The following LRRTM4 variants were observed in gnomAD, a reference collection of about 807,000 sequenced individuals.
The protein encoded by LRRTM4 is leucine rich repeat transmembrane neuronal 4, also known as leucine-rich repeat transmembrane neuronal protein 4.
In LRRTM4, 25 loss-of-function variants were observed where a neutral mutation model predicts 47.6. That is an observed-to-expected ratio of 0.53 (90% confidence interval 0.38 to 0.73). LRRTM4 has a LOEUF of 0.73. Ranked by LOEUF, LRRTM4 falls within the 30% of genes least tolerant of loss-of-function variation. LRRTM4 has a pLI of 0.00. For missense variants in LRRTM4, 638 were observed against 713.4 expected (o/e 0.89, Z 1.20); for synonymous variants, 311 against 269.5 (o/e 1.15, Z -1.51).
At chr2:76,829,335 T>G (rs1671270831) in intron 3 of LRRTM4, among the ~76,000 whole-genome samples, 1 of 151,946 alleles carries the variant, frequency 6.6e-6, no homozygotes, top group African/African-American at 2.4e-5. Flanking sequence ...GGGGAGGAGA[T>G]GCAAGGTAAG....
chr2:76,818,825 A>C (rs1670973006), intron 3 of LRRTM4, among the ~76,000 whole-genome samples: 1 of 151,860 alleles, frequency 6.6e-6, no homozygotes. Flanking sequence ...TTAAAGTTAC[A>C]AACTGAAATA....
At chr2:76,837,889 G>A (rs1197893173) in intron 3 of LRRTM4, among the ~76,000 whole-genome samples, 1 of 147,602 alleles carries the variant, frequency 6.8e-6, no homozygotes, top group African/African-American at 2.5e-5. Context: ...TGAATAATGA[G>A]AACATATGGA....
At chr2:77,093,855 G>A (rs1670727730) in intron 3 of LRRTM4, among the ~76,000 whole-genome samples, 1 of 151,798 alleles carries the variant, frequency 6.6e-6, no homozygotes, top group Admixed American at 6.6e-5. Flanking sequence ...ACATTACCTT[G>A]TGAAAGTCCT....
chr2:76,836,439 G>C (rs191189194), intron 3 of LRRTM4, among the ~76,000 whole-genome samples: 160 of 151,744 alleles, frequency 1.1e-3, no homozygotes, highest in African/African-American at 3.6e-3. Context: ...TCCACTCCGG[G>C]CATTTTTTCA....
intron 3 of LRRTM4, among the ~76,000 whole-genome samples, chr2:77,477,963 GAAAGAAAA>G (rs1197665267): frequency 8.6e-6 from 1 of 115,632 alleles, no homozygotes; most frequent in Non-Finnish European, 1.9e-5. Context: ...AAGAAAGAAA[GAAAGAAAA>G]AGAAAAAAAG....
intron 3 of LRRTM4, among the ~76,000 whole-genome samples, chr2:77,020,030 G>A (rs1475568195): frequency 6.6e-6 from 1 of 151,990 alleles, no homozygotes; most frequent in African/African-American, 2.4e-5. Context: ...AGGTTACTTG[G>A]AAAACATAAA....
At position 76,915,603 on chromosome 2, in the gene LRRTM4, C is replaced by A. The variant is rs569396416; in HGVS notation, c.1552-166687G>T. On this transcript the variant is annotated intron_variant, in intron 3 of 3. Coordinates refer to ENST00000409884, the MANE Select transcript of LRRTM4 (RefSeq NM_001134745.3). Reference sequence around the variant, plus strand: ...TCTGAATGTTTTATTTTTTATTATTCTTTTACCAAGACACAAAAGAGTCAC... The same window carrying A: ...TCTGAATGTTTTATTTTTTATTATTATTTTACCAAGACACAAAAGAGTCAC... Among the ~76,000 whole-genome samples, 10 of 152,016 alleles carry A rather than the reference C, an allele frequency of 6.6e-5. No homozygotes were observed. The South Asian group carries it at 1.9e-3, about 28-fold the overall frequency.
intron 3 of LRRTM4, among the ~76,000 whole-genome samples, chr2:77,331,826 A>C (rs1002124698): frequency 6.6e-6 from 1 of 152,152 alleles, no homozygotes; most frequent in South Asian, 2.1e-4. Flanking sequence ...TTATATGACA[A>C]TCCAATCCTT....
intron 3 of LRRTM4, among the ~76,000 whole-genome samples, chr2:77,417,766 G>C (rs977010710): frequency 6.8e-6 from 1 of 148,016 alleles, no homozygotes; most frequent in Non-Finnish European, 1.5e-5. Flanking sequence ...CCTGTTGTTG[G>C]GGGGGAAGGG....
At position 77,373,091 on chromosome 2, in the gene LRRTM4, AT is replaced by A. The variant is rs1558713090; in HGVS notation, c.1551+145226del. Among the ~76,000 whole-genome samples, 32 of 121,740 alleles carry A rather than the reference AT, an allele frequency of 2.6e-4. 1 individual carries two copies. The highest frequency in any genetic ancestry group is 3.9e-3 in the Middle Eastern group (1 of 258). The allele number at this position is 121,740 out of a possible 152,430, so 79.9% of individuals were successfully genotyped here. On this transcript the variant is annotated intron_variant, in intron 3 of 3. Transcript: ENST00000409884. ...GCAAACCAACAATTAAAAAAAAAATATATATATATATATATATACGCACACA... is the reference window on the plus strand; with the variant it reads ...GCAAACCAACAATTAAAAAAAAAATAATATATATATATATATACGCACACA...
intron 3 of LRRTM4, among the ~76,000 whole-genome samples, chr2:77,039,299 C>G: frequency 6.9e-6 from 1 of 144,140 alleles, no homozygotes; most frequent in East Asian, 2.1e-4. Context: ...TCCAAAACAT[C>G]TTTCAAATGT....
intron 3 of LRRTM4, among the ~76,000 whole-genome samples, chr2:77,308,446 T>C (rs963309687): frequency 1.3e-5 from 2 of 152,116 alleles, no homozygotes; most frequent in Non-Finnish European, 2.9e-5. Flanking sequence ...GCTCGAATAT[T>C]ATCAACTGAC....
intron 3 of LRRTM4, among the ~76,000 whole-genome samples, chr2:77,492,746 G>T (rs1384327510): frequency 6.6e-6 from 1 of 152,076 alleles, no homozygotes; most frequent in Non-Finnish European, 1.5e-5. Flanking sequence ...TGAAATCAAT[G>T]CACAGCTCTC....
At chr2:77,312,529 T>C (rs796448026) in intron 3 of LRRTM4, among the ~76,000 whole-genome samples, 1 of 152,240 alleles carries the variant, frequency 6.6e-6, no homozygotes, top group South Asian at 2.1e-4. Context: ...AATTAATACA[T>C]AAATATTCAT....
intron 3 of LRRTM4, among the ~76,000 whole-genome samples, chr2:77,460,982 A>T (rs1367836538): frequency 6.6e-6 from 1 of 152,122 alleles, no homozygotes; most frequent in Non-Finnish European, 1.5e-5. Flanking sequence ...CATTTTAAAG[A>T]CCTTGAAAAT....
At chr2:77,411,836 T>C (rs1041689750) in intron 3 of LRRTM4, among the ~76,000 whole-genome samples, 8 of 151,974 alleles carry the variant, frequency 5.3e-5, no homozygotes, top group African/African-American at 1.9e-4. Context: ...ATTTAGACAA[T>C]TTAAAAAAGG....
intron 3 of LRRTM4, among the ~76,000 whole-genome samples, chr2:76,988,970 C>A (rs1676906924): frequency 6.6e-6 from 1 of 151,800 alleles, no homozygotes; most frequent in South Asian, 2.1e-4. Flanking sequence ...TAAAACAGTT[C>A]AGGTATTATC....
chr2:76,868,370 T>C (rs1286039250), intron 3 of LRRTM4, among the ~76,000 whole-genome samples: 1 of 152,186 alleles, frequency 6.6e-6, no homozygotes, highest in Admixed American at 6.5e-5. Flanking sequence ...CGGACATAAG[T>C]TACGGTGGGT....
chr2:77,114,851 A>G (rs1454256412), intron 3 of LRRTM4, among the ~76,000 whole-genome samples: 4 of 152,166 alleles, frequency 2.6e-5, no homozygotes, highest in Non-Finnish European at 5.9e-5. Context: ...AAAGGGCAAT[A>G]AAGATCACGA....
Sources: allele counts gnomAD v4.1 joint callset (sites outside exome capture counted in the v4.1 genomes callset), GRCh38; gene constraint gnomAD v4.1.1; transcripts MANE v1.5; gene names NCBI Gene and HGNC (gene_info 2026-07-23, HGNC 2026-07-21).